The following PLEKHH1 variants were observed in gnomAD, a reference collection of about 807,000 sequenced individuals.
PLEKHH1 encodes the protein pleckstrin homology domain-containing family H member 1.
PLEKHH1 carries 104 observed loss-of-function variants against 160.0 expected under a neutral mutation model. The ratio of observed to expected loss-of-function variants is 0.65; its 90% CI spans 0.55 to 0.76. The LOEUF is 0.76. PLEKHH1 is among the 30% of genes least tolerant of loss of function. The probability of loss-of-function intolerance (pLI) is 0.00; values close to 1 mark genes in which losing one functional copy is unlikely to be tolerated. For missense variants in PLEKHH1, 1,427 were observed against 1,724.1 expected (o/e 0.83, Z 3.05); for synonymous variants, 619 against 678.4 (o/e 0.91, Z 1.36).
In PLEKHH1 at chr14:67,559,650, G is replaced by A. The variant is rs764307159; in HGVS notation, c.382G>A (p.Ala128Thr). The change falls in exon 5 of 29, where the codon GCT (alanine) becomes ACT (threonine). Residue 128 changes from alanine to threonine, a missense_variant. Coordinates refer to ENST00000329153, the MANE Select transcript of PLEKHH1 (RefSeq NM_020715.3). The part of the protein sequence containing the change: ...AEEAKTVQEK[A>T]AKIKEWVTLK... Reference sequence around the variant, plus strand: ...GGAAGCAAAAACTGTTCAAGAAAAAGCTGCAAAGATCAAGGAATGGGTGAC... The same window carrying A: ...GGAAGCAAAAACTGTTCAAGAAAAAACTGCAAAGATCAAGGAATGGGTGAC... 3.7e-6 allele frequency: 6 copies of A among 1,606,632 alleles called. No individual in the cohort carries two copies. The African/African-American group carries it at 8.0e-5, about 21-fold the overall frequency.
Position 67,578,580 on chromosome 14 carries a change from A to G in PLEKHH1, c.2798A>G (p.His933Arg), listed in dbSNP as rs2035739530. The G allele has an allele frequency of 6.2e-7, 1 of 1,612,420 alleles. No homozygotes were observed. Among genetic ancestry groups the G allele is most frequent in the Non-Finnish European group, 8.5e-7 (1 of 1,179,402 alleles). ...TGTGCTCCACTTTTCCTGCCTCAGCATCACTTCCTCTGGTATGTCAAGCAG... is the reference window on the plus strand; with the variant it reads ...TGTGCTCCACTTTTCCTGCCTCAGCGTCACTTCCTCTGGTATGTCAAGCAG... The part of the protein sequence containing the change: ...ALCAPLFLPQ[H>R]HFLWYVKQQL... Residue 933 changes from histidine to arginine, a missense_variant, in exon 20 of 29, where the codon CAT (histidine) becomes CGT (arginine). Physicochemically the swap from His to Arg is conservative, Grantham distance 29. This residue lies in a region of PLEKHH1 where 436 missense variants were observed against 607.5 expected (regional missense o/e 0.72). Transcript: ENST00000329153. The surrounding 1 kb of genome is among the most constrained non-coding windows in gnomAD (Gnocchi z 5.0).
At chr14:67,575,542 C>A in intron 15 of PLEKHH1, 70 bp downstream of exon 15, 2 of 967,476 alleles carry the variant, frequency 2.1e-6, no homozygotes, top group Non-Finnish European at 1.6e-6. Context: ...CACTCTATGT[C>A]CTGATGAAAG....
Position 67,578,346 on chromosome 14 carries a change from G to T in PLEKHH1, c.2751+147G>T. On this transcript the variant is annotated intron_variant, in intron 19 of 28. Transcript: ENST00000329153. The surrounding 1 kb of genome is among the most constrained non-coding windows in gnomAD (Gnocchi z 5.0). Reference sequence around the variant, plus strand: ...CTCCAAGCTGCATCAGTACGGCTGAGCTGTCTATGCACAGATGGGTGATTG... The same window carrying T: ...CTCCAAGCTGCATCAGTACGGCTGATCTGTCTATGCACAGATGGGTGATTG... The T allele has an allele frequency of 1.3e-6, 1 of 793,544 alleles. No homozygotes were observed. 49.2% of individuals were successfully genotyped at this position (793,544 alleles called of 1,614,324 possible). A position where few individuals can be genotyped will look rare whatever the true frequency, so the allele number is the denominator to read the frequency against.
chr14:67,586,890 C>T, intron 28 of PLEKHH1, 184 bp from the exon 29 acceptor site: 1 of 1,526,958 alleles, frequency 6.5e-7, no homozygotes. Flanking sequence ...CCAACAGGAG[C>T]CCACACCACT....
At chr14:67,542,781 A>G (rs1292719094) in intron 2 of PLEKHH1, among the ~76,000 whole-genome samples, 1 of 151,930 alleles carries the variant, frequency 6.6e-6, no homozygotes, top group Non-Finnish European at 1.5e-5. Context: ...GCTCGCCACA[A>G]TCTCCGCCTC....
At chr14:67,569,833 G>C in intron 8 of PLEKHH1, 88 bp from the exon 9 acceptor site, 1 of 813,314 alleles carries the variant, frequency 1.2e-6, no homozygotes, top group Non-Finnish European at 2.1e-6. Flanking sequence ...CTCCTGGAGG[G>C]AATGCCATCT....
Position 67,579,740 on chromosome 14 carries a change from C to T in PLEKHH1, c.3047C>T (p.Ser1016Phe), listed in dbSNP as rs1014117278. 1 of 1,612,908 alleles carries T rather than the reference C, an allele frequency of 6.2e-7. No homozygotes were observed. The highest frequency in any genetic ancestry group is 8.5e-7 in the Non-Finnish European group (1 of 1,179,522). Reference protein sequence around the residue: ...GTYHVVGFDGSSTVDEFLQRL... With the variant: ...GTYHVVGFDGFSTVDEFLQRL... ...CCTCAGGTGGTTGGTTTTGACGGCT[C>T]TTCCACGGTTGATGAGTTCCTCCAG... Residue 1016 changes from serine to phenylalanine, a missense_variant, in exon 22 of 29, where the codon TCT becomes TTT. Transcript: ENST00000329153.
chr14:67,561,704 C>CA (rs1209297456), intron 5 of PLEKHH1, among the ~76,000 whole-genome samples: 2 of 151,038 alleles, frequency 1.3e-5, no homozygotes, highest in East Asian at 3.9e-4. Flanking sequence ...CTTGTCTCTA[C>CA]AAAAAAATAA....
At chr14:67,564,068 A>AT (rs2034971009) in intron 7 of PLEKHH1, among the ~76,000 whole-genome samples, 1 of 151,354 alleles carries the variant, frequency 6.6e-6, no homozygotes, top group Non-Finnish European at 1.5e-5. Flanking sequence ...CGCCCGGCCA[A>AT]TTTTTTGTAT....
chr14:67,554,072 C>G (rs572148754), intron 2 of PLEKHH1, among the ~76,000 whole-genome samples: 1 of 152,194 alleles, frequency 6.6e-6, no homozygotes, highest in East Asian at 1.9e-4. Context: ...ACTCTCTGTC[C>G]AAGGGAATGT....
At chr14:67,577,160 T>C (rs1175349383) in intron 17 of PLEKHH1, 142 bp from the exon 18 acceptor site, 5 of 645,732 alleles carry the variant, frequency 7.7e-6, no homozygotes, top group Middle Eastern at 2.6e-4. Context: ...CCACACTCTA[T>C]GGATGATAAA....
chr14:67,585,882 G>A, intron 27 of PLEKHH1, 69 bp from the exon 28 acceptor site: 2 of 1,497,690 alleles, frequency 1.3e-6, no homozygotes, highest in East Asian at 2.3e-5. Flanking sequence ...GAAGAGACAG[G>A]GGATGCTGGT....
chr14:67,586,742 A>C, intron 28 of PLEKHH1: 5 of 1,219,982 alleles, frequency 4.1e-6, no homozygotes, highest in Non-Finnish European at 5.3e-6. Flanking sequence ...TCCTCCTTTA[A>C]TACCACCCCT....
At chr14:67,581,482 C>T (rs778462241) in intron 23 of PLEKHH1, 13 of 168,980 alleles carry the variant, frequency 7.7e-5, no homozygotes, top group Non-Finnish European at 1.4e-4. Context: ...GCTGAGATCA[C>T]GCCACTGCAC....
intron 2 of PLEKHH1, among the ~76,000 whole-genome samples, chr14:67,550,627 G>A (rs1198482200): frequency 1.3e-5 from 2 of 152,198 alleles, no homozygotes; most frequent in Non-Finnish European, 1.5e-5. Flanking sequence ...GTGAGGGGAA[G>A]GGCTAAAGCC....
rs765628809 is a variant in PLEKHH1, at chr14:67,557,221, C to T, written c.190-48C>T. ...ATCCCACGTTACTGGCCACTGCACA[C>T]CCCGTGTGAGTGATGGGAAGACACT... On this transcript the variant is annotated intron_variant, in intron 3 of 28. Coordinates refer to ENST00000329153, the MANE Select transcript of PLEKHH1 (RefSeq NM_020715.3). The T allele has an allele frequency of 6.4e-6, 10 of 1,570,820 alleles. No homozygotes were observed. In the South Asian group the frequency reaches 1.0e-4, roughly 16 times the overall value.
Position 67,547,278 on chromosome 14 carries a change from C to T in PLEKHH1, c.126+5285C>T, listed in dbSNP as rs560441969. Among the ~76,000 whole-genome samples, 70 of 152,192 alleles carry T rather than the reference C, an allele frequency of 4.6e-4. 1 individual carries two copies. The highest frequency in any genetic ancestry group is 7.7e-4 in the East Asian group (4 of 5,182). On this transcript the variant is annotated intron_variant, in intron 2 of 28. Transcript: ENST00000329153. ...TAAGAAAAGGGCTGGGACCTGAGTC[C>T]GACACTGGACCTCTTGGCAGGAAAT...
At chr14:67,545,473 TAG>T in intron 2 of PLEKHH1, among the ~76,000 whole-genome samples, 1 of 151,754 alleles carries the variant, frequency 6.6e-6, no homozygotes, top group Admixed American at 6.6e-5. Flanking sequence ...CTCAAATCAG[TAG>T]AGAGAGGAAA....
intron 1 of PLEKHH1, 182 bp downstream of exon 1, chr14:67,533,580 C>G (rs2140295410): frequency 6.6e-6 from 1 of 152,176 alleles, no homozygotes; most frequent in East Asian, 1.9e-4. Flanking sequence ...CTTGGGAAGC[C>G]GGGCGCCCCA....
Sources: allele counts gnomAD v4.1 joint callset (sites outside exome capture counted in the v4.1 genomes callset), GRCh38; gene constraint gnomAD v4.1.1; regional missense constraint gnomAD v4.1.1; non-coding constraint Gnocchi (gnomAD v3.1); transcripts MANE v1.5; gene names NCBI Gene and HGNC (gene_info 2026-07-23, HGNC 2026-07-21).